Variants in TAF5L observed in about 807,000 individuals in gnomAD.
The protein encoded by TAF5L is TAF5-like RNA polymerase II p300/CBP-associated factor-associated factor 65 kDa subunit 5L.
In TAF5L, 7 loss-of-function variants were observed where a neutral mutation model predicts 51.3. That is an observed-to-expected ratio of 0.14 (90% confidence interval 0.08 to 0.26). The LOEUF is 0.26. Among genes scored for constraint, TAF5L ranks in the 10% least tolerant of loss-of-function variants. The probability of loss-of-function intolerance (pLI) is 1.00; values close to 1 mark genes in which losing one functional copy is unlikely to be tolerated. For synonymous variants in TAF5L, 291 were observed against 308.1 expected, an observed-to-expected ratio of 0.94 and a Z score of 0.58; for missense variants, 575 against 758.9, an observed-to-expected ratio of 0.76 and a Z score of 2.85.
chr1:229,609,979 T>C (rs1298455162), intron 3 of TAF5L, 127 bp downstream of exon 3: 3 of 709,496 alleles, frequency 4.2e-6, no homozygotes, highest in South Asian at 3.9e-5. Flanking sequence ...TCTGCATTAC[T>C]CTATTTTTTA....
Position 229,594,042 on chromosome 1 carries a change from C to T in TAF5L, c.*255G>A. The stretch of plus-strand genomic sequence containing the variant: ...ATGCGCGAGGTCACGGCAGAGTCTC[C>T]ATGAGGACTTGTGAGTGACCTCCAG... On this transcript the variant is annotated 3_prime_UTR_variant, in exon 5 of 5. Coordinates refer to ENST00000258281, the Ensembl canonical transcript of TAF5L. This position sits in a 1 kb window ranked among gnomAD's most constrained non-coding sequence, Gnocchi z 7.9. 2 of 442,636 alleles carry T rather than the reference C, an allele frequency of 4.5e-6. No individual in the cohort carries two copies. Among genetic ancestry groups the T allele is most frequent in the Non-Finnish European group, 8.3e-6 (2 of 239,646 alleles). The allele number at this position is 442,636 out of a possible 1,614,324, so 27.4% of individuals were successfully genotyped here. A position where few individuals can be genotyped will look rare whatever the true frequency, so the allele number is the denominator to read the frequency against.
intron 4 of TAF5L, among the ~76,000 whole-genome samples, chr1:229,595,928 G>A (rs1363825045): frequency 6.6e-6 from 1 of 152,186 alleles, no homozygotes; most frequent in Non-Finnish European, 1.5e-5. Context: ...GCCTCCCAAA[G>A]TGCTGGAATT....
intron 1 of TAF5L, among the ~76,000 whole-genome samples, chr1:229,623,340 T>C (rs1228285533): frequency 3.3e-5 from 5 of 152,170 alleles, no homozygotes; most frequent in African/African-American, 4.8e-5. Flanking sequence ...GATAGAAAAA[T>C]TGAGTGTCTA....
intron 4 of TAF5L, among the ~76,000 whole-genome samples, chr1:229,598,192 CAA>C (rs1270809564): frequency 1.3e-5 from 2 of 152,088 alleles, no homozygotes; most frequent in Non-Finnish European, 2.9e-5. Flanking sequence ...AACTTAGGAC[CAA>C]AAGAGATGTA....
At chr1:229,612,027 T>A (rs1272088763) in intron 2 of TAF5L, among the ~76,000 whole-genome samples, 1 of 152,224 alleles carries the variant, frequency 6.6e-6, no homozygotes, top group Non-Finnish European at 1.5e-5. Flanking sequence ...CTACAATCAC[T>A]GACTTACCTG....
At chr1:229,620,602 G>A (rs1266892125) in intron 1 of TAF5L, among the ~76,000 whole-genome samples, 5 of 152,156 alleles carry the variant, frequency 3.3e-5, no homozygotes, top group Non-Finnish European at 4.4e-5. Context: ...AAAATAACGT[G>A]AGTGCTATCT....
intron 1 of TAF5L, among the ~76,000 whole-genome samples, chr1:229,618,956 A>G (rs995992068): frequency 6.6e-6 from 1 of 152,224 alleles, no homozygotes; most frequent in Non-Finnish European, 1.5e-5. Context: ...AGGCAAACTC[A>G]CTACACAATC....
chr1:229,614,017 G>A (rs1664881580), intron 2 of TAF5L: 1 of 589,778 alleles, frequency 1.7e-6, no homozygotes, highest in Non-Finnish European at 3.0e-6. Flanking sequence ...TGTCCCTAAG[G>A]GTCTTGTAGG....
At chr1:229,600,811 CTACT>C in intron 4 of TAF5L, 1 of 985,382 alleles carries the variant, frequency 1.0e-6, no homozygotes, top group Non-Finnish European at 1.2e-6. Flanking sequence ...TTATTTTGGT[CTACT>C]GTTATCAGAT....
At chr1:229,598,562 A>G (rs1664217875) in intron 4 of TAF5L, among the ~76,000 whole-genome samples, 1 of 152,204 alleles carries the variant, frequency 6.6e-6, no homozygotes, top group Admixed American at 6.5e-5. Context: ...TGATAAGGGT[A>G]GCTGCATACA....
chr1:229,601,641 C>T (rs903888547), intron 4 of TAF5L: 8 of 986,670 alleles, frequency 8.1e-6, no homozygotes, highest in Non-Finnish European at 2.4e-6. Flanking sequence ...TCTGGGAACA[C>T]CCCGGGGTAC....
chr1:229,600,012 T>C, intron 4 of TAF5L: 2 of 985,470 alleles, frequency 2.0e-6, no homozygotes, highest in Non-Finnish European at 2.4e-6. Context: ...TCTAGGTATG[T>C]GAGTTTGTGG....
intron 3 of TAF5L, 64 bp downstream of exon 3, chr1:229,610,042 C>T: frequency 7.0e-7 from 1 of 1,421,128 alleles, no homozygotes. Flanking sequence ...AAGCAGTGTG[C>T]CCAAAGTTGG....
At chr1:229,604,738 A>C (rs569581425) in intron 3 of TAF5L, among the ~76,000 whole-genome samples, 1 of 152,178 alleles carries the variant, frequency 6.6e-6, no homozygotes. Context: ...GTGCAAAGGG[A>C]ATACAGAATG....
intron 1 of TAF5L, 105 bp from the exon 2 acceptor site, chr1:229,614,590 C>T (rs930662036): frequency 4.8e-6 from 7 of 1,458,682 alleles, no homozygotes; most frequent in Non-Finnish European, 6.5e-6. Context: ...AGAGAAAGAC[C>T]AGCCATGTGG....
intron 4 of TAF5L, among the ~76,000 whole-genome samples, chr1:229,596,922 C>A (rs999823091): frequency 3.9e-5 from 6 of 152,050 alleles, no homozygotes; most frequent in Non-Finnish European, 8.8e-5. Context: ...TGAATGCCTC[C>A]CATGTGTACA....
chr1:229,593,877 C>G (rs1664012550), exon 5 of TAF5L: 1 of 156,302 alleles, frequency 6.4e-6, no homozygotes, highest in Admixed American at 6.3e-5. Context: ...CCTCTGCCAA[C>G]AAGGACTTCC....
chr1:229,597,157 T>C (rs569156623), intron 4 of TAF5L, among the ~76,000 whole-genome samples: 1 of 152,232 alleles, frequency 6.6e-6, no homozygotes, highest in Admixed American at 6.5e-5. Flanking sequence ...ATATAAAGAC[T>C]GTGGGAACAA....
intron 1 of TAF5L, among the ~76,000 whole-genome samples, chr1:229,624,809 C>T (rs1368809717): frequency 1.3e-5 from 2 of 152,132 alleles, no homozygotes; most frequent in Admixed American, 6.5e-5. Flanking sequence ...ACTCCCTTTC[C>T]TACTCCCCCT....
Sources: gnomAD v4.1 joint callset for allele counts (sites outside exome capture counted in the v4.1 genomes callset) on GRCh38, gnomAD v4.1.1 for gene constraint, Gnocchi (gnomAD v3.1) non-coding constraint, MANE v1.5 for transcripts, NCBI Gene and HGNC (gene_info 2026-07-23, HGNC 2026-07-21) for gene names.